Variants in DNAI4 observed in about 807,000 individuals in gnomAD.
DNAI4 encodes dynein axonemal intermediate chain 4.
A neutral mutation model predicts 105.8 loss-of-function variants in DNAI4; 85 were observed. The observed-to-expected ratio is 0.80, with a 90% CI of 0.67 to 0.96. DNAI4 has a LOEUF of 0.96. Among genes scored for constraint, DNAI4 ranks in the 40% least tolerant of loss-of-function variants. DNAI4 has a pLI of 0.00. For synonymous variants in DNAI4, 352 were observed against 331.5 expected, an observed-to-expected ratio of 1.06 and a Z score of -0.67; for missense variants, 1,014 against 1,005.6, an observed-to-expected ratio of 1.01 and a Z score of -0.11.
chr1:66,893,591 T>G (rs1415660601), intron 2 of DNAI4, among the ~76,000 whole-genome samples, 178 bp from the exon 3 acceptor site: 1 of 152,178 alleles, frequency 6.6e-6, no homozygotes, highest in Non-Finnish European at 1.5e-5. Flanking sequence ...TTCTTAATTA[T>G]GCAAAAACTT....
chr1:66,815,911 A>G (rs946997165), intron 16 of DNAI4, among the ~76,000 whole-genome samples: 10 of 152,224 alleles, frequency 6.6e-5, no homozygotes, highest in African/African-American at 2.4e-4. Flanking sequence ...CTAAGCTGGT[A>G]GGACAGGGCT....
intron 1 of DNAI4, among the ~76,000 whole-genome samples, chr1:66,908,657 T>C (rs147161402): frequency 2.1e-3 from 319 of 152,314 alleles, no homozygotes; most frequent in South Asian, 3.7e-3. Context: ...TAATACACTA[T>C]ATTTTAACTC....
chr1:66,882,804 A>C (rs1166475335), intron 4 of DNAI4, among the ~76,000 whole-genome samples: 1 of 152,090 alleles, frequency 6.6e-6, no homozygotes, highest in Non-Finnish European at 1.5e-5. Context: ...AAATTATAGA[A>C]TAAATTAGCT....
intron 5 of DNAI4, 120 bp from the exon 6 acceptor site, chr1:66,871,629 AGTG>A: frequency 9.9e-7 from 1 of 1,006,234 alleles, no homozygotes; most frequent in African/African-American, 1.6e-5. Context: ...CAAAAAGTGA[AGTG>A]AGACTTCAAA....
intron 2 of DNAI4, among the ~76,000 whole-genome samples, chr1:66,895,135 C>T (rs188610961): frequency 2.6e-5 from 4 of 152,096 alleles, no homozygotes; most frequent in Admixed American, 1.3e-4. Flanking sequence ...TATTTTTCCA[C>T]AAGTGCTTGA....
chr1:66,914,792 T>C (rs1006751363), intron 1 of DNAI4, among the ~76,000 whole-genome samples: 4 of 152,208 alleles, frequency 2.6e-5, no homozygotes, highest in African/African-American at 9.7e-5. Context: ...CTATGTGTTG[T>C]GTACACAATG....
In DNAI4 at chr1:66,835,869, G is replaced by C. The variant is rs1645975158; in HGVS notation, c.1582-92C>G. On this transcript the variant is annotated intron_variant, in intron 10 of 16. Transcript: ENST00000371026. The stretch of plus-strand genomic sequence containing the variant: ...GGCTGAGATTTAGTTTGGTGGCAGT[G>C]GGTATGTGAGCAGAGTTAGCCCACA... The C allele has an allele frequency of 5.3e-6, 6 of 1,134,366 alleles. No individual in the cohort carries two copies. The East Asian group carries it at 1.4e-4, about 27-fold the overall frequency. The allele number at this position is 1,134,366 out of a possible 1,614,324, so 70.3% of individuals were successfully genotyped here. A position where few individuals can be genotyped will look rare whatever the true frequency, so the allele number is the denominator to read the frequency against.
At chr1:66,837,665 T>C in intron 10 of DNAI4, 45 bp downstream of exon 10, 1 of 1,546,190 alleles carries the variant, frequency 6.5e-7, no homozygotes, top group Non-Finnish European at 8.8e-7. Context: ...ATGAGAATTT[T>C]GTCAACAGCC....
chr1:66,863,918 A>G (rs886903118), intron 6 of DNAI4, among the ~76,000 whole-genome samples: 4 of 152,254 alleles, frequency 2.6e-5, no homozygotes, highest in South Asian at 4.1e-4. Context: ...TAGAAATTAC[A>G]TCTTTGAACA....
At chr1:66,909,992 C>G (rs998090548) in intron 1 of DNAI4, among the ~76,000 whole-genome samples, 7 of 152,264 alleles carry the variant, frequency 4.6e-5, no homozygotes, top group African/African-American at 1.7e-4. Flanking sequence ...GCTTCATCTT[C>G]CTACTTAACC....
intron 4 of DNAI4, among the ~76,000 whole-genome samples, chr1:66,888,517 AC>A (rs1332180140): frequency 2.0e-5 from 3 of 152,072 alleles, no homozygotes; most frequent in Non-Finnish European, 4.4e-5. Flanking sequence ...ACATGGTGAA[AC>A]CCCGTCTCTA....
intron 6 of DNAI4, among the ~76,000 whole-genome samples, chr1:66,867,075 T>C (rs1214050995): frequency 6.6e-6 from 1 of 152,154 alleles, no homozygotes; most frequent in East Asian, 1.9e-4. Flanking sequence ...TTCAATTATC[T>C]CCACCTCTTC....
chr1:66,830,914 T>G (rs1164327802), intron 13 of DNAI4, among the ~76,000 whole-genome samples: 1 of 145,170 alleles, frequency 6.9e-6, no homozygotes, highest in Admixed American at 7.1e-5. Context: ...GAGTTCAGAG[T>G]TACAGTGAGC....
At chr1:66,858,875 C>A (rs1294799038) in intron 7 of DNAI4, among the ~76,000 whole-genome samples, 1 of 152,012 alleles carries the variant, frequency 6.6e-6, no homozygotes, top group Non-Finnish European at 1.5e-5. Flanking sequence ...AAACTGAAAA[C>A]TTTCCCCTAA....
intron 4 of DNAI4, among the ~76,000 whole-genome samples, chr1:66,887,781 A>G (rs576411259): frequency 6.6e-6 from 1 of 152,156 alleles, no homozygotes; most frequent in Admixed American, 6.5e-5. Context: ...AAAAAAGGTG[A>G]AATCCTGTCT....
intron 2 of DNAI4, among the ~76,000 whole-genome samples, chr1:66,895,373 C>T (rs1187468617): frequency 6.6e-6 from 1 of 152,130 alleles, no homozygotes; most frequent in African/African-American, 2.4e-5. Flanking sequence ...GAGGCTAAGG[C>T]AAGAGGACTG....
Position 66,827,900 on chromosome 1 carries a change from A to T in DNAI4, c.2024T>A (p.Ile675Asn). 6.2e-7 allele frequency: 1 copy of T among 1,602,034 alleles called. No homozygotes were observed. The change falls in exon 14 of 17, where the codon ATC (isoleucine) becomes AAC (asparagine). Residue 675 changes from isoleucine (I) to asparagine (N), a missense_variant. Physicochemically the swap from Ile to Asn is moderately radical, Grantham distance 149. Coordinates refer to ENST00000371026, the MANE Select transcript of DNAI4 (RefSeq NM_024763.5). ...ACCTTCTTCAGTGCCAGCCAAATAG[A>T]TATTTGTGTCCTACAACACAAAACA... ...CFAFHPKDTN[I>N]YLAGTEEGHI...
chr1:66,837,971 C>T (rs1039517446), intron 9 of DNAI4, among the ~76,000 whole-genome samples, 175 bp from the exon 10 acceptor site: 2 of 151,962 alleles, frequency 1.3e-5, no homozygotes, highest in Admixed American at 6.6e-5. Context: ...TATTCCTAAG[C>T]AAAAAAGTTA....
chr1:66,908,741 C>T (rs1649440773), intron 1 of DNAI4, among the ~76,000 whole-genome samples: 1 of 152,178 alleles, frequency 6.6e-6, no homozygotes, highest in African/African-American at 2.4e-5. Context: ...AATTATGGGT[C>T]ATTAACTTAA....
Sources: gnomAD v4.1 joint callset for allele counts (sites outside exome capture counted in the v4.1 genomes callset) on GRCh38, gnomAD v4.1.1 for gene constraint, MANE v1.5 for transcripts, NCBI Gene and HGNC (gene_info 2026-07-23, HGNC 2026-07-21) for gene names.